Variants in COL4A1 observed in about 807,000 individuals in gnomAD.
The protein encoded by COL4A1 is collagen alpha-1(IV) chain.
COL4A1 carries 40 observed loss-of-function variants against 216.6 expected under a neutral mutation model. That is an observed-to-expected ratio of 0.18 (90% confidence interval 0.14 to 0.24). COL4A1 has a LOEUF of 0.24. COL4A1 is among the 10% of genes least tolerant of loss of function. The pLI, the probability that COL4A1 is intolerant of heterozygous loss-of-function variation, is 1.00. For synonymous variants in COL4A1, 839 were observed against 810.7 expected (o/e 1.03, Z -0.59); for missense variants, 1,628 against 2,196.8 (o/e 0.74, Z 5.18).
intron 50 of COL4A1, among the ~76,000 whole-genome samples, chr13:110,153,073 C>T (rs1423240842): frequency 1.3e-5 from 2 of 152,324 alleles, no homozygotes; most frequent in Non-Finnish European, 2.9e-5. Context: ...GTAGGACCTT[C>T]CTGTACTCAG....
At chr13:110,251,120 C>T (rs891052250) in intron 1 of COL4A1, among the ~76,000 whole-genome samples, 6 of 152,244 alleles carry the variant, frequency 3.9e-5, no homozygotes, top group African/African-American at 1.4e-4. Flanking sequence ...CGAAAAAAGA[C>T]GTTGGACTAT....
Position 110,176,639 on chromosome 13 carries a change from C to G in COL4A1, c.2955G>C (p.Gln985His), listed in dbSNP as rs145018661. ...GVPGKDGQAG[Q>H]PGQPGPKGDP... ...TCCACACTGTACCTGGCTGCCCAGG[C>G]TGTCCTGCCTGCCCGTCCTTTCCAG... Residue 985 changes from glutamine (Q) to histidine (H), a missense_variant, in exon 35 of 52, where the codon CAG becomes CAC. By Grantham distance (24) the Gln-to-His change is conservative. Coordinates refer to ENST00000375820, the MANE Select transcript of COL4A1 (RefSeq NM_001845.6). The G allele has an allele frequency of 4.4e-4, 711 of 1,614,136 alleles. 8 individuals are homozygous for G. The East Asian group carries it at 0.016, about 35-fold the overall frequency.
intron 1 of COL4A1, among the ~76,000 whole-genome samples, chr13:110,295,064 T>C (rs1229055822): frequency 1.3e-5 from 2 of 152,334 alleles, no homozygotes; most frequent in African/African-American, 4.8e-5. Context: ...CATAATGTCC[T>C]AGAAATAATC....
intron 1 of COL4A1, chr13:110,265,247 G>A (rs1195393060): frequency 6.6e-6 from 1 of 152,254 alleles, no homozygotes; most frequent in Non-Finnish European, 1.5e-5. Flanking sequence ...GGAAAGCGCC[G>A]ACTGCAATAC....
At chr13:110,300,923 C>A (rs1004349894) in intron 1 of COL4A1, among the ~76,000 whole-genome samples, 7 of 152,172 alleles carry the variant, frequency 4.6e-5, no homozygotes, top group African/African-American at 1.7e-4. Flanking sequence ...TGGCATTTGT[C>A]TTGTACCTTA....
At chr13:110,170,209 G>T (rs1459302407) in intron 42 of COL4A1, among the ~76,000 whole-genome samples, 1 of 152,072 alleles carries the variant, frequency 6.6e-6, no homozygotes, top group Non-Finnish European at 1.5e-5. Context: ...AGTGGTGCCC[G>T]GGCATCTGTG....
intron 2 of COL4A1, among the ~76,000 whole-genome samples, chr13:110,219,672 ATATATGTG>A (rs1248594291): frequency 6.4e-5 from 5 of 77,692 alleles, no homozygotes; most frequent in Admixed American, 1.6e-4. Context: ...GTATATATAT[ATATATGTG>A]TATATATATG....
At chr13:110,173,229 A>G (rs996600250) in intron 40 of COL4A1, among the ~76,000 whole-genome samples, 16 of 152,066 alleles carry the variant, frequency 1.1e-4, no homozygotes, top group Admixed American at 1.0e-3. Context: ...TATTTTTATG[A>G]ATTGTTTGTA....
chr13:110,176,390 C>T (rs768118921), intron 36 of COL4A1, 34 bp downstream of exon 36: 4 of 1,419,232 alleles, frequency 2.8e-6, no homozygotes, highest in Admixed American at 1.7e-5. Context: ...CACACGCACA[C>T]ATGCTAAAGA....
chr13:110,235,705 G>A (rs2139237465), intron 2 of COL4A1, among the ~76,000 whole-genome samples: 1 of 149,990 alleles, frequency 6.7e-6, no homozygotes, highest in East Asian at 2.0e-4. Flanking sequence ...CATACAAGAA[G>A]GTAATTATTA....
At chr13:110,162,197 C>T (rs776043824) in intron 48 of COL4A1, 33 bp downstream of exon 48, 5 of 1,590,174 alleles carry the variant, frequency 3.1e-6, no homozygotes, top group African/African-American at 2.7e-5. Flanking sequence ...CACACCTACA[C>T]TGAATGAATG....
At position 110,162,139 on chromosome 13, in the gene COL4A1, A is replaced by T. The variant is rs1877113873; in HGVS notation, c.4462+91T>A. On this transcript the variant is annotated intron_variant, in intron 48 of 51. Transcript: ENST00000375820. ...CAGTGTTTCACTCGCTACTGCCCTC[A>T]CTGCAGCAGCAGAGGCGAGTCCAGC... 4 of 1,199,776 alleles carry T rather than the reference A, an allele frequency of 3.3e-6. No homozygotes were observed. In the Admixed American group the frequency reaches 5.0e-5, roughly 15 times the overall value. The allele number at this position is 1,199,776 out of a possible 1,614,324, so 74.3% of individuals were successfully genotyped here.
intron 49 of COL4A1, among the ~76,000 whole-genome samples, chr13:110,159,250 G>A (rs770537562): frequency 2.5e-5 from 2 of 79,472 alleles, no homozygotes; most frequent in Admixed American, 1.6e-4. Context: ...TATCACCCAA[G>A]GGAGCAAAAA....
intron 49 of COL4A1, among the ~76,000 whole-genome samples, chr13:110,159,769 C>A (rs1876982337): frequency 6.6e-6 from 1 of 152,202 alleles, no homozygotes; most frequent in Non-Finnish European, 1.5e-5. Flanking sequence ...ATTATTTGGC[C>A]CTAAGTAGGA....
rs1878035769 is a variant in COL4A1 at position 110,179,285 on chromosome 13, A to C, written c.2330T>G (p.Leu777Arg). 1 of 1,614,020 alleles carries C rather than the reference A, an allele frequency of 6.2e-7. No individual in the cohort carries two copies. The highest frequency in any genetic ancestry group is 2.2e-5 in the East Asian group (1 of 44,848). ...GEHGAIGPPG[L>R]QGIRGEPGPP... is the part of the protein sequence containing the mutation. ...CATGAAGTTACCTCTGATCCCCTGAAGCCCAGGGGGTCCGATCGCTCCATG... is the reference window on the plus strand; with the variant it reads ...CATGAAGTTACCTCTGATCCCCTGACGCCCAGGGGGTCCGATCGCTCCATG... The change falls in exon 30 of 52, where the codon CTT (leucine) becomes CGT (arginine). Residue 777 changes from leucine to arginine, a missense_variant. Leu to Arg is a moderately radical substitution (Grantham distance 102, BLOSUM62 -2). Coordinates refer to ENST00000375820, the MANE Select transcript of COL4A1 (RefSeq NM_001845.6).
chr13:110,211,404 C>T lies in COL4A1; in HGVS notation c.468+243G>A, dbSNP rs545819224. On this transcript the variant is annotated intron_variant, in intron 8 of 51. Coordinates refer to ENST00000375820, the MANE Select transcript of COL4A1 (RefSeq NM_001845.6). The surrounding 1 kb of genome is among the most constrained non-coding windows in gnomAD (Gnocchi z 4.3). ...TGGGTGAAGTGAGCCTTCGCCACCA[C>T]ACCAGGCCTCCTTCCGCTGCTTATT... Among the ~76,000 whole-genome samples, 4 of 152,232 alleles carry T rather than the reference C, an allele frequency of 2.6e-5. No individual in the cohort carries two copies. The highest frequency in any genetic ancestry group is 4.4e-5 in the Non-Finnish European group (3 of 68,046).
chr13:110,152,082 A>G (rs931759588), intron 51 of COL4A1, among the ~76,000 whole-genome samples: 10 of 152,158 alleles, frequency 6.6e-5, no homozygotes, highest in African/African-American at 2.4e-4. Flanking sequence ...ACATTTTAGT[A>G]CACTCACCTA....
At chr13:110,187,458 CATT>C (rs1205027468) in intron 24 of COL4A1, 129 bp from the exon 25 acceptor site, 9 of 1,041,472 alleles carry the variant, frequency 8.6e-6, no homozygotes, top group Non-Finnish European at 1.3e-5. Flanking sequence ...CATGCCTCAT[CATT>C]GATTTTCTAG....
chr13:110,219,816 A>ATATGTATATATGTG (rs1880334024), intron 2 of COL4A1, among the ~76,000 whole-genome samples: 8 of 133,280 alleles, frequency 6.0e-5, no homozygotes, highest in Admixed American at 1.6e-4. Context: ...ATGTGTATAT[A>ATATGTATATATGTG]TGTATATATA....
Sources: allele counts gnomAD v4.1 joint callset (sites outside exome capture counted in the v4.1 genomes callset), GRCh38; gene constraint gnomAD v4.1.1; non-coding constraint Gnocchi (gnomAD v3.1); transcripts MANE v1.5; gene names NCBI Gene and HGNC (gene_info 2026-07-23, HGNC 2026-07-21).